TMEM132C: variants seen among roughly 807,000 people sequenced by gnomAD.
The protein encoded by TMEM132C is protein phosphatase 1, regulatory subunit 152.
In TMEM132C, 29 loss-of-function variants were observed where a neutral mutation model predicts 61.4. That is an observed-to-expected ratio of 0.47 (90% CI 0.35 to 0.64). The LOEUF (loss-of-function observed/expected upper bound fraction) is 0.64, where lower values mean the gene tolerates loss of function less well. Ranked by LOEUF, TMEM132C falls within the 30% of genes least tolerant of loss-of-function variation. The pLI is 0.00. For synonymous variants in TMEM132C, 656 were observed against 633.1 expected, an observed-to-expected ratio of 1.04 and a Z score of -0.54; for missense variants, 1,408 against 1,476.9, an observed-to-expected ratio of 0.95 and a Z score of 0.76.
intron 3 of TMEM132C, among the ~76,000 whole-genome samples, chr12:128,606,948 C>T (rs1045051047): frequency 1.3e-5 from 2 of 152,114 alleles, no homozygotes; most frequent in Admixed American, 1.3e-4. Flanking sequence ...AACCCTTTCA[C>T]GGGGCTTACA....
intron 3 of TMEM132C, among the ~76,000 whole-genome samples, chr12:128,615,931 T>C (rs1472550707): frequency 6.6e-6 from 1 of 152,264 alleles, no homozygotes; most frequent in East Asian, 1.9e-4. Flanking sequence ...CTGCTCATTG[T>C]TGAATATTCT....
chr12:128,325,518 ATACAT>A (rs1453905241), intron 1 of TMEM132C, among the ~76,000 whole-genome samples: 1 of 152,196 alleles, frequency 6.6e-6, no homozygotes, highest in East Asian at 1.9e-4. Context: ...ATGCATGTAT[ATACAT>A]GCACATGTAT....
chr12:128,400,081 A>G (rs1457911489), intron 1 of TMEM132C: 1 of 152,234 alleles, frequency 6.6e-6, no homozygotes, highest in Non-Finnish European at 1.5e-5. Flanking sequence ...TTGGATCAAG[A>G]AAGGTGTGTC....
chr12:128,327,678 C>A (rs543087988), intron 1 of TMEM132C, among the ~76,000 whole-genome samples: 2 of 151,942 alleles, frequency 1.3e-5, no homozygotes, highest in Non-Finnish European at 2.9e-5. Flanking sequence ...CCACTGCGCC[C>A]GGCTGCAGCT....
intron 1 of TMEM132C, among the ~76,000 whole-genome samples, chr12:128,315,903 A>G (rs1387736787): frequency 6.6e-6 from 1 of 151,834 alleles, no homozygotes; most frequent in Non-Finnish European, 1.5e-5. Context: ...AGCCAGGAGA[A>G]CGGCATGGAA....
At chr12:128,659,449 T>C (rs1390864943) in intron 4 of TMEM132C, among the ~76,000 whole-genome samples, 1 of 152,332 alleles carries the variant, frequency 6.6e-6, no homozygotes, top group East Asian at 1.9e-4. Flanking sequence ...ATTTCCCTAT[T>C]AGTTGCCTTC....
intron 5 of TMEM132C, among the ~76,000 whole-genome samples, chr12:128,681,817 AT>A (rs35154554): frequency 0.24 from 21,111 of 86,170 alleles, 1,053 homozygotes; most frequent in South Asian, 0.35. Context: ...CCACGCCTGG[AT>A]TTTTTTTTTT....
At chr12:128,618,978 C>G (rs1565993449) in intron 4 of TMEM132C, among the ~76,000 whole-genome samples, 1 of 152,150 alleles carries the variant, frequency 6.6e-6, no homozygotes, top group East Asian at 1.9e-4. Flanking sequence ...CTCCTATTTT[C>G]TGTATGTTCA....
intron 2 of TMEM132C, among the ~76,000 whole-genome samples, chr12:128,458,493 G>T: frequency 6.6e-6 from 1 of 151,934 alleles, no homozygotes; most frequent in East Asian, 1.9e-4. Flanking sequence ...TGCTGGGGAC[G>T]CAGGATTCCT....
intron 2 of TMEM132C, among the ~76,000 whole-genome samples, chr12:128,477,529 A>G (rs935508228): frequency 1.3e-5 from 2 of 152,136 alleles, no homozygotes; most frequent in Non-Finnish European, 2.9e-5. Flanking sequence ...GAGACAACTA[A>G]TACAGTATAT....
intron 5 of TMEM132C, among the ~76,000 whole-genome samples, chr12:128,679,073 T>C (rs1954614741): frequency 1.3e-5 from 2 of 152,222 alleles, no homozygotes; most frequent in Non-Finnish European, 2.9e-5. Context: ...ATTGCATAGA[T>C]GCTACTCAAA....
At chr12:128,387,058 T>C (rs1313522933) in intron 1 of TMEM132C, among the ~76,000 whole-genome samples, 1 of 150,544 alleles carries the variant, frequency 6.6e-6, no homozygotes, top group Non-Finnish European at 1.5e-5. Context: ...GAAGGATTGC[T>C]TGAGCCTAGG....
chr12:128,637,706 G>A, intron 4 of TMEM132C, among the ~76,000 whole-genome samples: 1 of 152,116 alleles, frequency 6.6e-6, no homozygotes, highest in Non-Finnish European at 1.5e-5. Flanking sequence ...TCTCCCCCAT[G>A]TTCCTCTCGC....
intron 4 of TMEM132C, among the ~76,000 whole-genome samples, chr12:128,622,875 A>G (rs961489312): frequency 6.6e-6 from 1 of 152,086 alleles, no homozygotes; most frequent in Admixed American, 6.6e-5. Context: ...AAATGTTTCT[A>G]TTTGTAACTC....
chr12:128,477,384 G>A (rs1871184055), intron 2 of TMEM132C, among the ~76,000 whole-genome samples: 1 of 152,206 alleles, frequency 6.6e-6, no homozygotes, highest in African/African-American at 2.4e-5. Flanking sequence ...CTTGGAAGCA[G>A]AAGGATCATT....
At chr12:128,597,198 G>A (rs1250341254) in intron 3 of TMEM132C, among the ~76,000 whole-genome samples, 1 of 152,166 alleles carries the variant, frequency 6.6e-6, no homozygotes, top group African/African-American at 2.4e-5. Flanking sequence ...ATTAAGCTGG[G>A]GACATGCACA....
At chr12:128,656,519 T>A (rs1566005004) in intron 4 of TMEM132C, among the ~76,000 whole-genome samples, 1 of 152,224 alleles carries the variant, frequency 6.6e-6, no homozygotes, top group Non-Finnish European at 1.5e-5. Context: ...ACTGCATATT[T>A]CCGTTTACTT....
At chr12:128,397,591 G>T (rs765124736) in intron 1 of TMEM132C, among the ~76,000 whole-genome samples, 7 of 152,186 alleles carry the variant, frequency 4.6e-5, no homozygotes, top group African/African-American at 1.7e-4. Flanking sequence ...TAACAAGTTG[G>T]TCCCCATGGA....
intron 1 of TMEM132C, among the ~76,000 whole-genome samples, chr12:128,413,888 T>C (rs1868658239): frequency 2.0e-5 from 3 of 152,200 alleles, no homozygotes; most frequent in African/African-American, 7.2e-5. Flanking sequence ...TTAAATTGCA[T>C]TTAGATTTTG....
Sources: gnomAD v4.1 joint callset for allele counts (sites outside exome capture counted in the v4.1 genomes callset) on GRCh38, gnomAD v4.1.1 for gene constraint, MANE v1.5 for transcripts, NCBI Gene and HGNC (gene_info 2026-07-23, HGNC 2026-07-21) for gene names.